Variants in ABHD2 observed in about 807,000 individuals in gnomAD.
ABHD2 encodes the protein monoacylglycerol lipase ABHD2.
ABHD2 carries 20 observed loss-of-function variants against 48.1 expected under a neutral mutation model. The ratio of observed to expected loss-of-function variants is 0.42; its 90% CI spans 0.29 to 0.60. ABHD2 has a LOEUF of 0.60. Ranked by LOEUF, ABHD2 falls within the 20% of genes least tolerant of loss-of-function variation. The pLI is 0.24. For synonymous variants in ABHD2, 209 were observed against 214.2 expected (o/e 0.98, Z 0.21); for missense variants, 405 against 550.9 (o/e 0.74, Z 2.65).
At position 89,176,095 on chromosome 15, in the gene ABHD2, G is replaced by A. The variant is rs1198878442; in HGVS notation, c.722+100G>A. 7.8e-7 allele frequency: 1 copy of A among 1,275,306 alleles called. No individual in the cohort carries two copies. Among genetic ancestry groups the A allele is most frequent in the African/African-American group, 1.5e-5 (1 of 66,552 alleles). The allele number at this position is 1,275,306 out of a possible 1,614,324, so 79.0% of individuals were successfully genotyped here. A position where few individuals can be genotyped will look rare whatever the true frequency, so the allele number is the denominator to read the frequency against. ...TGTTCTGTGAAGACCGGGGAACACT[G>A]TGGCCGACTGAGTAGAAGTTTCTGA... On this transcript the variant is annotated intron_variant, in intron 6 of 10. Transcript: ENST00000352732. This position sits in a 1 kb window ranked among gnomAD's most constrained non-coding sequence, Gnocchi z 4.5.
At chr15:89,152,203 G>A (rs2050604073) in intron 4 of ABHD2, among the ~76,000 whole-genome samples, 1 of 151,898 alleles carries the variant, frequency 6.6e-6, no homozygotes, top group Non-Finnish European at 1.5e-5. Flanking sequence ...AGCCTCCCGA[G>A]TAGCTGGGAC....
At chr15:89,145,252 T>C (rs1041681567) in intron 3 of ABHD2, among the ~76,000 whole-genome samples, 4 of 152,216 alleles carry the variant, frequency 2.6e-5, no homozygotes, top group African/African-American at 9.6e-5. Flanking sequence ...TGAGACTCCA[T>C]TGCAAAAACG....
chr15:89,147,135 G>A (rs2050505096), intron 3 of ABHD2, among the ~76,000 whole-genome samples: 2 of 152,230 alleles, frequency 1.3e-5, no homozygotes, highest in South Asian at 4.2e-4. Flanking sequence ...TGAGAACTTG[G>A]TGTATATTAA....
At chr15:89,093,173 CTTTTTTTTTTT>C (rs71149272) in intron 1 of ABHD2, among the ~76,000 whole-genome samples, 2 of 71,782 alleles carry the variant, frequency 2.8e-5, no homozygotes, top group Non-Finnish European at 5.5e-5. Context: ...TTTTTTCATT[CTTTTTTTTTTT>C]TTTTTTTTTT....
intron 1 of ABHD2, among the ~76,000 whole-genome samples, chr15:89,101,177 T>G (rs548768245): frequency 3.3e-5 from 5 of 152,352 alleles, no homozygotes; most frequent in Non-Finnish European, 7.4e-5. Flanking sequence ...TATTTCTTTA[T>G]TTGTGAGACA....
At chr15:89,143,092 G>T (rs946359383) in intron 3 of ABHD2, among the ~76,000 whole-genome samples, 4 of 151,814 alleles carry the variant, frequency 2.6e-5, no homozygotes, top group Non-Finnish European at 5.9e-5. Flanking sequence ...GTCATTAATC[G>T]TTTTTTTGTC....
intron 9 of ABHD2, among the ~76,000 whole-genome samples, chr15:89,191,599 A>C (rs930745300): frequency 6.6e-6 from 1 of 151,986 alleles, no homozygotes; most frequent in Non-Finnish European, 1.5e-5. Context: ...TTCTGTATCA[A>C]AGTAATGATG....
chr15:89,115,367 GGTATGTGTGTGTGTGTGTGTGTGTGT>G (rs1412349910), intron 2 of ABHD2, among the ~76,000 whole-genome samples: 9,335 of 117,480 alleles, frequency 0.079, 509 homozygotes, highest in Non-Finnish European at 0.11. Context: ...TATGTTTGGA[GGTATGTGTGTGTGTGTGTGTGTGTGT>G]GTGTGTGTGT....
In ABHD2 at chr15:89,104,181, G is replaced by A. The variant is rs574566429; in HGVS notation, c.-106-9544G>A. The stretch of plus-strand genomic sequence containing the variant: ...TTCTGCTGTCTCTCCCTGTGTAACA[G>A]GGTCTGGTGGCCGAGCCCTGAGGGG... On this transcript the variant is annotated intron_variant, in intron 1 of 10. Transcript: ENST00000352732. This position sits in a 1 kb window ranked among gnomAD's most constrained non-coding sequence, Gnocchi z 4.4. The A allele has an allele frequency of 6.6e-6, 1 of 152,418 alleles. No homozygotes were observed. Among genetic ancestry groups the A allele is most frequent in the African/African-American group, 2.4e-5 (1 of 41,592 alleles). The allele number at this position is 152,418 out of a possible 1,614,324, so 9.4% of individuals were successfully genotyped here. A position where few individuals can be genotyped will look rare whatever the true frequency, so the allele number is the denominator to read the frequency against.
At chr15:89,150,539 C>T (rs1216350429) in intron 3 of ABHD2, among the ~76,000 whole-genome samples, 1 of 152,154 alleles carries the variant, frequency 6.6e-6, no homozygotes, top group Non-Finnish European at 1.5e-5. Context: ...TCCTCCCCTC[C>T]CCCGAAAAGG....
At chr15:89,105,140 A>AG (rs2049763801) in intron 1 of ABHD2, among the ~76,000 whole-genome samples, 1 of 152,218 alleles carries the variant, frequency 6.6e-6, no homozygotes, top group Non-Finnish European at 1.5e-5. Flanking sequence ...TAAGTGCTTT[A>AG]CCCATTCGTT....
chr15:89,130,954 C>G (rs2050209443), intron 3 of ABHD2, among the ~76,000 whole-genome samples: 1 of 152,302 alleles, frequency 6.6e-6, no homozygotes, highest in African/African-American at 2.4e-5. Context: ...TGGCCACAGG[C>G]AGCAGCCTGT....
intron 5 of ABHD2, among the ~76,000 whole-genome samples, chr15:89,170,024 AC>A (rs2050896391): frequency 9.2e-6 from 1 of 108,562 alleles, no homozygotes; most frequent in African/African-American, 3.4e-5. Context: ...CCACTGTTTC[AC>A]CCCTTGTTTT....
intron 10 of ABHD2, 142 bp downstream of exon 10, chr15:89,193,461 G>A: frequency 2.8e-6 from 2 of 705,112 alleles, no homozygotes; most frequent in Non-Finnish European, 5.0e-6. Context: ...CTTATTCTGT[G>A]TAGCCTGATA....
At chr15:89,071,417 G>A in the ABHD2 span, among the ~76,000 whole-genome samples, 6 of 151,968 alleles carry the variant, frequency 3.9e-5, no homozygotes, top group East Asian at 3.9e-4. Context: ...GCAAAACCCC[G>A]TCTCAAAAGA....
chr15:89,193,386 C>T (rs2051339265), intron 10 of ABHD2, 67 bp downstream of exon 10: 1 of 1,296,394 alleles, frequency 7.7e-7, no homozygotes. Flanking sequence ...CTGTCACCTT[C>T]ACCATGCTGT....
intron 5 of ABHD2, among the ~76,000 whole-genome samples, chr15:89,159,788 A>G (rs2050734604): frequency 6.6e-6 from 1 of 152,028 alleles, no homozygotes; most frequent in Non-Finnish European, 1.5e-5. Context: ...GTGTTGTTAC[A>G]TTTTATTTCA....
At chr15:89,057,684 C>T in the ABHD2 span, among the ~76,000 whole-genome samples, 1 of 152,072 alleles carries the variant, frequency 6.6e-6, no homozygotes, top group Non-Finnish European at 1.5e-5. Flanking sequence ...TCCATGGCCT[C>T]AGGGTGGCGC....
the ABHD2 span, among the ~76,000 whole-genome samples, chr15:89,065,144 A>G: frequency 3.3e-5 from 5 of 152,264 alleles, no homozygotes; most frequent in South Asian, 8.3e-4. Flanking sequence ...CAATGCATCC[A>G]GTTATTTCCA....
Sources: allele counts gnomAD v4.1 joint callset (sites outside exome capture counted in the v4.1 genomes callset), GRCh38; gene constraint gnomAD v4.1.1; non-coding constraint Gnocchi (gnomAD v3.1); transcripts MANE v1.5; gene names NCBI Gene and HGNC (gene_info 2026-07-23, HGNC 2026-07-21).